The following SQSTM1 variants were observed in gnomAD, a reference collection of about 807,000 sequenced individuals.
SQSTM1 encodes sequestosome-1.
In SQSTM1, 36 loss-of-function variants were observed where a neutral mutation model predicts 45.1. That is an observed-to-expected ratio of 0.80 (90% CI 0.61 to 1.05). SQSTM1 has a LOEUF of 1.05. Ranked by LOEUF, SQSTM1 falls within the 50% of genes least tolerant of loss-of-function variation. The probability of loss-of-function intolerance (pLI) is 0.00; values close to 1 mark genes in which losing one functional copy is unlikely to be tolerated. For missense variants in SQSTM1, 617 were observed against 607.1 expected, an observed-to-expected ratio of 1.02 and a Z score of -0.17; for synonymous variants, 290 against 244.3, an observed-to-expected ratio of 1.19 and a Z score of -1.74.
At chr5:179,831,437 A>G (rs889256102) in intron 5 of SQSTM1, among the ~76,000 whole-genome samples, 3 of 152,172 alleles carry the variant, frequency 2.0e-5, no homozygotes, top group South Asian at 4.1e-4. Context: ...CAAGGCAGGC[A>G]GATCACCTGA....
At chr5:179,823,685 T>C (rs1032023985) in intron 2 of SQSTM1, 173 bp from the exon 3 acceptor site, 6 of 662,584 alleles carry the variant, frequency 9.1e-6, no homozygotes, top group Non-Finnish European at 1.3e-5. Context: ...GGGAACCTCC[T>C]AGCAGGTTCT....
rs1296718072 is a variant in SQSTM1, at chr5:179,825,224, T to C, written c.752T>C (p.Leu251Pro). The C allele has an allele frequency of 6.2e-7, 1 of 1,613,544 alleles. No individual in the cohort carries two copies. Among genetic ancestry groups the C allele is most frequent in the Non-Finnish European group, 8.5e-7 (1 of 1,179,760 alleles). Residue 251 changes from leucine (L) to proline (P), a missense_variant and splice_region_variant, in exon 5 of 8, where the codon CTG becomes CCG. Transcript: ENST00000389805. ...AGTGTGGCAGCTGCCCTTAGCCCTC[T>C]GGGTGAGTGCACCTCCTTGCCCAGT... ...GESVAAALSP[L>P]GIEVDIDVEH...
chr5:179,833,900 T>C (rs1275910199), intron 7 of SQSTM1, 118 bp downstream of exon 7: 7 of 1,172,750 alleles, frequency 6.0e-6, no homozygotes, highest in Non-Finnish European at 8.7e-6. Flanking sequence ...CAGGGCTGTC[T>C]GTAGGTGTGG....
chr5:179,812,492 C>T (rs1298860288), intron 2 of SQSTM1: 2 of 152,286 alleles, frequency 1.3e-5, no homozygotes, highest in Non-Finnish European at 2.9e-5. Flanking sequence ...CTGGCATCTC[C>T]AGGCTGCTTC....
upstream of SQSTM1, among the ~76,000 whole-genome samples, chr5:179,814,297 G>A (rs1757516477): frequency 6.6e-6 from 1 of 152,308 alleles, no homozygotes; most frequent in South Asian, 2.1e-4. Context: ...GGTAGGGAAT[G>A]GAGTTAGGAG....
In SQSTM1 at chr5:179,836,423, A is replaced by G. The variant is rs1174080314; in HGVS notation, c.1166-13A>G. ...CAGCACCACTCCTCATGGCTTCCTT[A>G]CTGTTTCGGCAGAGGCTGACCCGCG... On this transcript the variant is annotated splice_polypyrimidine_tract_variant and intron_variant, in intron 7 of 7. Transcript: ENST00000389805. The G allele has an allele frequency of 5.0e-6, 8 of 1,613,388 alleles. No individual in the cohort carries two copies. In the African/African-American group the frequency reaches 1.1e-4, roughly 22 times the overall value.
At chr5:179,820,115 G>A, upstream of SQSTM1, 1 of 152,924 alleles carries the variant, frequency 6.5e-6, no homozygotes, top group Non-Finnish European at 1.5e-5. Flanking sequence ...TGAGGAGGCT[G>A]TTGGCTGACC....
intron 1 of SQSTM1, chr5:179,822,586 C>T: frequency 2.9e-6 from 1 of 349,040 alleles, no homozygotes; most frequent in South Asian, 2.2e-5. Flanking sequence ...GAGCAGGTCA[C>T]AGGCAGGGAT....
chr5:179,817,902 G>A (rs1757631644), upstream of SQSTM1, among the ~76,000 whole-genome samples: 1 of 151,658 alleles, frequency 6.6e-6, no homozygotes, highest in Non-Finnish European at 1.5e-5. Context: ...CCAGCTACTT[G>A]GGAGGCTGAG....
upstream of SQSTM1, chr5:179,820,738 C>A (rs1757740400): frequency 2.0e-6 from 1 of 492,020 alleles, no homozygotes; most frequent in Non-Finnish European, 3.5e-6. Flanking sequence ...AGACCTGGAG[C>A]GAGGGGTAGC....
chr5:179,831,940 C>T lies in SQSTM1; in HGVS notation c.755-1092C>T, dbSNP rs1202000020. On this transcript the variant is annotated intron_variant, in intron 5 of 7. Coordinates refer to ENST00000389805, the MANE Select transcript of SQSTM1 (RefSeq NM_003900.5). ...CTGAGACTACAGGCGATTGCCACCA[C>T]GCCCAGCTGATTTTTTGTATTTTTA... is the stretch of plus-strand genomic sequence containing the variant. Among the ~76,000 whole-genome samples, 17 of 152,098 alleles carry T rather than the reference C, an allele frequency of 1.1e-4. No homozygotes were observed. The East Asian group carries it at 2.0e-3, about 18-fold the overall frequency.
At chr5:179,831,390 A>ACG (rs1758209046) in intron 5 of SQSTM1, among the ~76,000 whole-genome samples, 1 of 152,248 alleles carries the variant, frequency 6.6e-6, no homozygotes, top group East Asian at 1.9e-4. Context: ...GGCTGGGTGC[A>ACG]GTGGCTCATG....
Position 179,806,425 on chromosome 5 carries a change from G to C in SQSTM1, c.-323G>C, listed in dbSNP as rs1422129395. The C allele has an allele frequency of 1.9e-6, 2 of 1,066,222 alleles. No individual in the cohort carries two copies. The highest frequency in any genetic ancestry group is 6.9e-5 in the South Asian group (2 of 28,916). The allele number at this position is 1,066,222 out of a possible 1,614,324, so 66.0% of individuals were successfully genotyped here. On this transcript the variant is annotated 5_prime_UTR_variant, in exon 1 of 6. Transcript: ENST00000514093. The surrounding 1 kb of genome is among the most constrained non-coding windows in gnomAD (Gnocchi z 4.6). ...GGCCGCCTTCCGCGGCCACCGCCGG[G>C]CCCGCTCCCGCCGCCGACGCCCAGG... is the stretch of plus-strand genomic sequence containing the variant.
rs1248912067 is a variant in SQSTM1, at chr5:179,837,917, G to C, written c.*1324G>C. The C allele has an allele frequency of 6.3e-7, 1 of 1,584,372 alleles. No homozygotes were observed. Among genetic ancestry groups the C allele is most frequent in the Admixed American group, 1.7e-5 (1 of 59,308 alleles). ...GAGAAGATGGCCATGCCCTCCATGT[G>C]TAAGAACAATGCCAGGGCCCAGGAG... On this transcript the variant is annotated 3_prime_UTR_variant, in exon 8 of 8. Coordinates refer to ENST00000389805, the MANE Select transcript of SQSTM1 (RefSeq NM_003900.5).
intron 2 of SQSTM1, chr5:179,823,477 A>AAAAAAAAT (rs1757867103): frequency 4.3e-6 from 1 of 232,612 alleles, no homozygotes; most frequent in Non-Finnish European, 8.2e-6. Context: ...AAAAAAAAAA[A>AAAAAAAAT]AAAGACATTT....
At chr5:179,807,952 A>ACTGAATGTTC (rs1757252828) in intron 1 of SQSTM1, 1 of 152,210 alleles carries the variant, frequency 6.6e-6, no homozygotes, top group African/African-American at 2.4e-5. Flanking sequence ...CGCACGGCCC[A>ACTGAATGTTC]TTTGCGTTCT....
chr5:179,818,353 A>G (rs1757646752), upstream of SQSTM1, among the ~76,000 whole-genome samples: 1 of 152,186 alleles, frequency 6.6e-6, no homozygotes, highest in African/African-American at 2.4e-5. Flanking sequence ...CAATCTCCCT[A>G]AAGATGGCCC....
At chr5:179,816,604 C>T (rs916067471), upstream of SQSTM1, among the ~76,000 whole-genome samples, 1 of 152,254 alleles carries the variant, frequency 6.6e-6, no homozygotes, top group Non-Finnish European at 1.5e-5. Context: ...CTGGCGCTGG[C>T]GCTCCTAGAG....
At chr5:179,834,158 G>C (rs937563506) in intron 7 of SQSTM1, among the ~76,000 whole-genome samples, 5 of 118,136 alleles carry the variant, frequency 4.2e-5, no homozygotes, top group South Asian at 2.4e-4. Context: ...GGTCTGAGAG[G>C]GGGGGGGGTC....
Sources: gnomAD v4.1 joint callset for allele counts (sites outside exome capture counted in the v4.1 genomes callset) on GRCh38, gnomAD v4.1.1 for gene constraint, Gnocchi (gnomAD v3.1) non-coding constraint, MANE v1.5 for transcripts, NCBI Gene and HGNC (gene_info 2026-07-23, HGNC 2026-07-21) for gene names.